DICER1: variants seen among roughly 807,000 people sequenced by gnomAD.
DICER1 encodes dicer 1, ribonuclease III, also known as endoribonuclease Dicer.
Under a neutral mutation model 194.1 loss-of-function variants are expected in DICER1, and 43 were observed. The observed-to-expected ratio is 0.22, with a 90% CI of 0.17 to 0.29. DICER1 has a LOEUF of 0.29. DICER1 is among the 10% of genes least tolerant of loss of function. The pLI is 1.00. For synonymous variants in DICER1, 832 were observed against 820.5 expected (o/e 1.01, Z -0.24); for missense variants, 1,608 against 2,317.0 (o/e 0.69, Z 6.28).
Position 95,090,401 on chromosome 14 carries a change from C to A in DICER1, c.*97G>T, listed in dbSNP as rs776253418. 19 of 1,339,752 alleles carry A rather than the reference C, an allele frequency of 1.4e-5. No homozygotes were observed. The highest frequency in any genetic ancestry group is 2.0e-5 in the Non-Finnish European group (19 of 937,628). The allele number at this position is 1,339,752 out of a possible 1,614,324, so 83.0% of individuals were successfully genotyped here. On this transcript the variant is annotated 3_prime_UTR_variant, in exon 27 of 27. Transcript: ENST00000343455. Reference sequence around the variant, plus strand: ...TTTAAATTCTGCCTTCAATTCATTCCACTCACTAACAACTTTAAGTCTTCC... The same window carrying A: ...TTTAAATTCTGCCTTCAATTCATTCAACTCACTAACAACTTTAAGTCTTCC...
intron 1 of DICER1, among the ~76,000 whole-genome samples, chr14:95,135,128 A>G (rs778003758): frequency 7.9e-5 from 12 of 152,168 alleles, no homozygotes; most frequent in Non-Finnish European, 1.5e-4. Context: ...CAAGGCTAAG[A>G]TCTGCGGGTC....
chr14:95,091,551 A>C (rs1041927390), intron 24 of DICER1, 186 bp from the exon 25 acceptor site: 54 of 594,706 alleles, frequency 9.1e-5, no homozygotes, highest in Middle Eastern at 4.5e-4. Flanking sequence ...AAAGTTTTTC[A>C]AACTTCTCAA....
At chr14:95,143,460 A>C (rs894689963) in intron 1 of DICER1, among the ~76,000 whole-genome samples, 1 of 152,124 alleles carries the variant, frequency 6.6e-6, no homozygotes, top group Non-Finnish European at 1.5e-5. Flanking sequence ...ATGTTTCCTA[A>C]GGACCTGAAA....
chr14:95,147,458 G>T (rs560553644), intron 1 of DICER1, among the ~76,000 whole-genome samples: 3 of 152,222 alleles, frequency 2.0e-5, no homozygotes, highest in East Asian at 1.9e-4. Context: ...TAGAATGAAT[G>T]AATTAATGAG....
intron 1 of DICER1, 108 bp from the exon 2 acceptor site, chr14:95,133,611 C>T: frequency 1.2e-6 from 1 of 844,986 alleles, no homozygotes. Flanking sequence ...GCCATTCAAA[C>T]TCTTCCTATA....
In DICER1 at chr14:95,090,147, C is replaced by T. The variant is rs1233289168; in HGVS notation, c.*351G>A. 2.4e-6 allele frequency: 1 copy of T among 411,178 alleles called. No homozygotes were observed. Among genetic ancestry groups the T allele is most frequent in the African/African-American group, 2.1e-5 (1 of 48,570 alleles). The allele number at this position is 411,178 out of a possible 1,614,324, so 25.5% of individuals were successfully genotyped here. A position where few individuals can be genotyped will look rare whatever the true frequency, so the allele number is the denominator to read the frequency against. On this transcript the variant is annotated 3_prime_UTR_variant, in exon 27 of 27. Coordinates refer to ENST00000343455, the MANE Select transcript of DICER1 (RefSeq NM_177438.3). ...AGGTTTAAGCTCCATGGCCTTCTAA[C>T]ACTAAGCAAAGCTGACATAAACTCA...
chr14:95,124,214 G>A lies in DICER1; in HGVS notation c.1358C>T (p.Thr453Ile), dbSNP rs1893185057. The A allele has an allele frequency of 1.2e-6, 2 of 1,613,464 alleles. No individual in the cohort carries two copies. The highest frequency in any genetic ancestry group is 4.5e-5 in the East Asian group (2 of 44,886). The change falls in exon 8 of 27, where the codon ACA becomes ATA. Residue 453 changes from threonine to isoleucine, a missense_variant. Thr to Ile is a moderately conservative substitution (Grantham distance 89). Transcript: ENST00000343455. This position sits in a 1 kb window ranked among gnomAD's most constrained non-coding sequence, Gnocchi z 4.5. ...GATTTACCTGTTTAAGACAACTGCT[G>A]TGTATCTTCTTTCCACAAAAATAAT... ...CGIIFVERRY[T>I]AVVLNRLIKE... is the part of the protein sequence containing the mutation.
In DICER1 at chr14:95,096,366, A is replaced by T. The variant is rs752773026; in HGVS notation, c.4554T>A (p.Val1518=). The change falls in exon 23 of 27, where the codon GTT becomes GTA. Residue 1518 remains valine (V), a synonymous_variant. Coordinates refer to ENST00000343455, the MANE Select transcript of DICER1 (RefSeq NM_177438.3). ...AMCYLDPSKA[V]EEDDFVVGFW... is the part of the protein sequence containing the mutation. ...ACCCCACCACAAAGTCATCTTCTTC[A>T]ACAGCTTTGCTAGGATCCAGATAGC... 1.0e-4 allele frequency: 169 copies of T among 1,614,076 alleles called. 1 individual carries two copies. The highest frequency in any genetic ancestry group is 1.4e-4 in the Non-Finnish European group (160 of 1,180,034).
At chr14:95,123,804 G>A (rs1356672109) in intron 8 of DICER1, among the ~76,000 whole-genome samples, 1 of 152,148 alleles carries the variant, frequency 6.6e-6, no homozygotes, top group Non-Finnish European at 1.5e-5. Flanking sequence ...GACTACCTGA[G>A]GGGAACACTT....
chr14:95,154,863 T>G (rs575147494), intron 1 of DICER1, among the ~76,000 whole-genome samples: 28 of 140,462 alleles, frequency 2.0e-4, no homozygotes, highest in African/African-American at 6.4e-4. Flanking sequence ...TATTTTACCA[T>G]GCCAAAAAAA....
intron 11 of DICER1, among the ~76,000 whole-genome samples, chr14:95,114,889 C>T (rs961770483): frequency 6.6e-6 from 1 of 152,116 alleles, no homozygotes; most frequent in African/African-American, 2.4e-5. Context: ...TACAAAATGA[C>T]AGCCTATCTA....
At chr14:95,153,486 G>A (rs1024914247) in intron 1 of DICER1, among the ~76,000 whole-genome samples, 7 of 152,054 alleles carry the variant, frequency 4.6e-5, no homozygotes, top group African/African-American at 1.2e-4. Context: ...TTTCTCTATC[G>A]TTTGTAAAAT....
At chr14:95,111,187 G>A (rs1891919930) in intron 14 of DICER1, 130 bp downstream of exon 14, 4 of 954,920 alleles carry the variant, frequency 4.2e-6, no homozygotes, top group African/African-American at 1.6e-5. Flanking sequence ...TCGGAGAAAG[G>A]AGCTGAGATC....
At chr14:95,123,129 A>G (rs1359601763) in intron 8 of DICER1, among the ~76,000 whole-genome samples, 1 of 152,074 alleles carries the variant, frequency 6.6e-6, no homozygotes, top group Non-Finnish European at 1.5e-5. Context: ...TTTTTGGCAG[A>G]AAAAAATAAG....
chr14:95,095,727 C>A, intron 23 of DICER1, 98 bp downstream of exon 23: 1 of 1,280,872 alleles, frequency 7.8e-7, no homozygotes, highest in Non-Finnish European at 1.1e-6. Flanking sequence ...TAAGCATGAA[C>A]ACTGTACATG....
intron 8 of DICER1, among the ~76,000 whole-genome samples, chr14:95,119,406 A>G (rs1305168225): frequency 1.3e-5 from 2 of 152,202 alleles, no homozygotes; most frequent in Non-Finnish European, 2.9e-5. Flanking sequence ...ATGCTTAGAG[A>G]GAAAAATGTA....
rs1347754955 is a variant in DICER1 at position 95,107,893 on chromosome 14, T to C, written c.2637A>G (p.Leu879=). 4.3e-6 allele frequency: 7 copies of C among 1,613,800 alleles called. No homozygotes were observed. Among genetic ancestry groups the C allele is most frequent in the Non-Finnish European group, 5.9e-6 (7 of 1,179,716 alleles). The change falls in exon 16 of 27, where the codon CTA becomes CTG. Residue 879 remains leucine, a synonymous_variant. Transcript: ENST00000343455. ...TTTTTTTCTTACCAACATTAAGAGG[T>C]AGAACACAGTATGCTGAATCAGCGT... is the stretch of plus-strand genomic sequence containing the variant. The part of the protein sequence containing the change: ...PTDADSAYCV[L]PLNVVNDSST...
At chr14:95,104,964 T>C in intron 20 of DICER1, 107 bp downstream of exon 20, 1 of 1,145,014 alleles carries the variant, frequency 8.7e-7, no homozygotes, top group Non-Finnish European at 1.3e-6. Flanking sequence ...ATTATTTTCT[T>C]TTTACTCTTT....
At chr14:95,156,760 C>G (rs1215583414) in intron 1 of DICER1, among the ~76,000 whole-genome samples, 1 of 152,166 alleles carries the variant, frequency 6.6e-6, no homozygotes, top group Non-Finnish European at 1.5e-5. Flanking sequence ...GGACCGAGAG[C>G]CCAGCTTCGT....
Sources: allele counts gnomAD v4.1 joint callset (sites outside exome capture counted in the v4.1 genomes callset), GRCh38; gene constraint gnomAD v4.1.1; non-coding constraint Gnocchi (gnomAD v3.1); transcripts MANE v1.5; gene names NCBI Gene and HGNC (gene_info 2026-07-23, HGNC 2026-07-21).